The following ARSB variants were observed in gnomAD, a reference collection of about 807,000 sequenced individuals.
The protein encoded by ARSB is arylsulfatase B, also known as N-acetylgalactosamine-4-sulfatase.
In ARSB, 41 loss-of-function variants were observed where a neutral mutation model predicts 50.9. The ratio of observed to expected loss-of-function variants is 0.81; its 90% CI spans 0.63 to 1.04. The LOEUF is 1.04. ARSB is among the 50% of genes least tolerant of loss of function. ARSB has a pLI of 0.00. For synonymous variants in ARSB, 269 were observed against 284.8 expected (o/e 0.94, Z 0.56); for missense variants, 672 against 693.3 (o/e 0.97, Z 0.35).
intron 4 of ARSB, among the ~76,000 whole-genome samples, chr5:78,899,699 A>C (rs1748716767): frequency 6.6e-6 from 1 of 152,180 alleles, no homozygotes; most frequent in Non-Finnish European, 1.5e-5. Flanking sequence ...TCTCTTTGTT[A>C]GATTTCTCTG....
At chr5:78,884,343 TTC>T (rs956832975) in intron 5 of ARSB, 1 of 151,326 alleles carries the variant, frequency 6.6e-6, no homozygotes, top group Admixed American at 6.6e-5. Flanking sequence ...TCCATTTGAA[TTC>T]TCTCTGTGCA....
At chr5:78,854,695 C>T (rs1467693361) in intron 5 of ARSB, among the ~76,000 whole-genome samples, 2 of 152,204 alleles carry the variant, frequency 1.3e-5, no homozygotes, top group Non-Finnish European at 2.9e-5. Context: ...TGTGTGTTTT[C>T]ATGAGAATGA....
intron 4 of ARSB, among the ~76,000 whole-genome samples, chr5:78,888,656 G>T (rs565312015): frequency 1.3e-5 from 2 of 152,210 alleles, no homozygotes; most frequent in Non-Finnish European, 2.9e-5. Flanking sequence ...TAAGAGTGGA[G>T]ATGATGGGGA....
At chr5:78,971,155 T>G (rs1752438277) in intron 1 of ARSB, among the ~76,000 whole-genome samples, 1 of 152,226 alleles carries the variant, frequency 6.6e-6, no homozygotes, top group Non-Finnish European at 1.5e-5. Context: ...GAACCCAGTT[T>G]GGCCCTGTCA....
intron 3 of ARSB, among the ~76,000 whole-genome samples, chr5:78,961,743 A>G (rs1038252813): frequency 1.3e-5 from 2 of 151,980 alleles, no homozygotes; most frequent in African/African-American, 2.4e-5. Flanking sequence ...CAGATTGTGA[A>G]CCTGTAATAG....
At chr5:78,826,794 C>A (rs114923462) in intron 6 of ARSB, among the ~76,000 whole-genome samples, 16 of 152,258 alleles carry the variant, frequency 1.1e-4, no homozygotes, top group Non-Finnish European at 1.8e-4. Context: ...CAGTATGATA[C>A]CCCCAAAATA....
intron 3 of ARSB, among the ~76,000 whole-genome samples, chr5:78,959,606 A>G (rs1751894679): frequency 1.3e-5 from 2 of 152,182 alleles, no homozygotes; most frequent in South Asian, 4.1e-4. Flanking sequence ...ATAAGAAACT[A>G]TACCAGTCCA....
chr5:78,956,813 C>T (rs1751748365), intron 3 of ARSB, among the ~76,000 whole-genome samples: 2 of 152,124 alleles, frequency 1.3e-5, no homozygotes, highest in Admixed American at 1.3e-4. Flanking sequence ...AACCGAAGAG[C>T]AATTTCCTAT....
At chr5:78,878,373 A>T (rs1439115408) in intron 5 of ARSB, among the ~76,000 whole-genome samples, 1 of 152,216 alleles carries the variant, frequency 6.6e-6, no homozygotes, top group African/African-American at 2.4e-5. Flanking sequence ...AAAGACAATG[A>T]TTAATAGTCA....
chr5:78,918,783 AT>A (rs905569910), intron 4 of ARSB, among the ~76,000 whole-genome samples: 10 of 152,216 alleles, frequency 6.6e-5, no homozygotes, highest in African/African-American at 2.2e-4. Flanking sequence ...TAGCAAGAAC[AT>A]TTTTTTCTCA....
chr5:78,894,389 T>C (rs965162744), intron 4 of ARSB, among the ~76,000 whole-genome samples: 3 of 152,244 alleles, frequency 2.0e-5, no homozygotes, highest in African/African-American at 7.2e-5. Flanking sequence ...ATTTTTATCC[T>C]TGGAACAGAA....
chr5:78,915,711 T>C (rs1369356685), intron 4 of ARSB, among the ~76,000 whole-genome samples: 2 of 152,362 alleles, frequency 1.3e-5, no homozygotes, highest in Middle Eastern at 3.4e-3. Context: ...ATATACATAA[T>C]GATACATCTT....
chr5:78,973,183 C>G lies in ARSB; in HGVS notation c.313-3991G>C, dbSNP rs147778053. Among the ~76,000 whole-genome samples the G allele has an allele frequency of 2.4e-3, 362 of 152,282 alleles. 1 individual carries two copies. The highest frequency in any genetic ancestry group is 8.5e-3 in the African/African-American group (352 of 41,544). The stretch of plus-strand genomic sequence containing the variant: ...AAAAATAAGGGTGCCCTGATAAACA[C>G]AACAGAATATAAAACAATTTCATTC... On this transcript the variant is annotated intron_variant, in intron 1 of 7. Transcript: ENST00000264914.
chr5:78,858,215 T>A (rs983467974), intron 5 of ARSB, among the ~76,000 whole-genome samples: 4 of 152,250 alleles, frequency 2.6e-5, no homozygotes, highest in Admixed American at 6.5e-5. Flanking sequence ...CATAAACAAA[T>A]ATCTCTATTA....
chr5:78,812,795 C>G (rs1743863676), intron 6 of ARSB, among the ~76,000 whole-genome samples: 1 of 152,040 alleles, frequency 6.6e-6, no homozygotes, highest in Non-Finnish European at 1.5e-5. Flanking sequence ...GAGTTCAAGA[C>G]CAGCCTGGGT....
intron 4 of ARSB, among the ~76,000 whole-genome samples, chr5:78,888,978 G>A (rs527391655): frequency 3.9e-5 from 6 of 152,314 alleles, no homozygotes; most frequent in South Asian, 4.1e-4. Flanking sequence ...CTGGCATAGC[G>A]CCAACTGCAG....
intron 4 of ARSB, among the ~76,000 whole-genome samples, chr5:78,931,665 A>C (rs1750332641): frequency 8.8e-6 from 1 of 113,614 alleles, no homozygotes; most frequent in Non-Finnish European, 1.8e-5. Context: ...TTTCACATGA[A>C]GTGATATGAA....
chr5:78,984,520 G>C (rs1326381399), intron 1 of ARSB, among the ~76,000 whole-genome samples: 2 of 152,186 alleles, frequency 1.3e-5, no homozygotes, highest in Admixed American at 6.5e-5. Context: ...GGCCAGGGTC[G>C]CACCCACGGC....
chr5:78,829,233 T>C (rs1384139624), intron 6 of ARSB, among the ~76,000 whole-genome samples: 1 of 152,242 alleles, frequency 6.6e-6, no homozygotes, highest in Admixed American at 6.5e-5. Flanking sequence ...GATGGTTAAG[T>C]ATTGGTTGTT....
Sources: allele counts gnomAD v4.1 joint callset (sites outside exome capture counted in the v4.1 genomes callset), GRCh38; gene constraint gnomAD v4.1.1; transcripts MANE v1.5; gene names NCBI Gene and HGNC (gene_info 2026-07-23, HGNC 2026-07-21).